STK17B: variants seen among roughly 807,000 people sequenced by gnomAD.
The protein encoded by STK17B is serine/threonine-protein kinase 17B.
Under a neutral mutation model 42.0 loss-of-function variants are expected in STK17B, and 21 were observed. The ratio of observed to expected loss-of-function variants is 0.50; its 90% CI spans 0.35 to 0.72. The LOEUF (loss-of-function observed/expected upper bound fraction) is 0.72. STK17B is among the 30% of genes least tolerant of loss of function. The pLI is 0.00. For missense variants in STK17B, 349 were observed against 446.0 expected, an observed-to-expected ratio of 0.78 and a Z score of 1.96; for synonymous variants, 143 against 148.4, an observed-to-expected ratio of 0.96 and a Z score of 0.26.
intron 1 of STK17B, chr2:196,165,596 T>C (rs1699866477): frequency 6.6e-6 from 1 of 152,214 alleles, no homozygotes; most frequent in Non-Finnish European, 1.5e-5. Flanking sequence ...ATTCAGACTT[T>C]TAAGTTTGGC....
At chr2:196,172,588 A>G (rs1046179429), upstream of STK17B, among the ~76,000 whole-genome samples, 5 of 152,218 alleles carry the variant, frequency 3.3e-5, no homozygotes, top group African/African-American at 1.2e-4. Flanking sequence ...AAGCCAAGCA[A>G]ATTCCTGTGA....
intron 2 of STK17B, among the ~76,000 whole-genome samples, chr2:196,161,796 G>C (rs904304675): frequency 2.0e-5 from 3 of 151,872 alleles, no homozygotes; most frequent in Non-Finnish European, 4.4e-5. Flanking sequence ...GATTACAGGC[G>C]TGAGTCACCA....
rs192791962 is a variant in STK17B at position 196,156,663 on chromosome 2, T to C, written c.123-12A>G. ...CAGCAAATTTTCCTCTGGGGGAAGA[T>C]GAGAACAATCAATTTTAATTTTTCT... On this transcript the variant is annotated splice_polypyrimidine_tract_variant and intron_variant, in intron 2 of 7. Transcript: ENST00000263955. The C allele has an allele frequency of 2.1e-4, 339 of 1,595,896 alleles. No individual in the cohort carries two copies. In the African/African-American group the frequency reaches 2.6e-3, roughly 12 times the overall value.
At chr2:196,150,736 C>G (rs1005396612) in intron 3 of STK17B, among the ~76,000 whole-genome samples, 1 of 152,060 alleles carries the variant, frequency 6.6e-6, no homozygotes, top group African/African-American at 2.4e-5. Context: ...GTGATCAAAA[C>G]GAACTTGTTT....
intron 6 of STK17B, 109 bp downstream of exon 6, chr2:196,141,140 A>C: frequency 1.3e-6 from 1 of 766,672 alleles, no homozygotes; most frequent in Non-Finnish European, 2.1e-6. Context: ...TTCAAATAAA[A>C]TCTTTTGAAG....
chr2:196,150,921 C>T (rs934791769), intron 3 of STK17B, among the ~76,000 whole-genome samples: 10 of 152,170 alleles, frequency 6.6e-5, no homozygotes, highest in Admixed American at 5.2e-4. Flanking sequence ...ATACAGATAA[C>T]GTGCCTATCA....
At chr2:196,138,205 T>G (rs1171891938) in intron 7 of STK17B, among the ~76,000 whole-genome samples, 1 of 152,226 alleles carries the variant, frequency 6.6e-6, no homozygotes, top group African/African-American at 2.4e-5. Context: ...TACATATATG[T>G]GCATATACAT....
upstream of STK17B, chr2:196,171,600 G>A (rs1009885420): frequency 6.6e-6 from 1 of 152,284 alleles, no homozygotes; most frequent in East Asian, 1.9e-4. Context: ...CCGCGTCTGG[G>A]GCATCGCCGT....
upstream of STK17B, among the ~76,000 whole-genome samples, chr2:196,173,722 G>C (rs768066492): frequency 2.4e-4 from 36 of 152,278 alleles, no homozygotes; most frequent in South Asian, 1.7e-3. Context: ...TGGTCATTCT[G>C]TGGTCATTGC....
At chr2:196,159,755 A>C (rs1172571793) in intron 2 of STK17B, among the ~76,000 whole-genome samples, 1 of 152,220 alleles carries the variant, frequency 6.6e-6, no homozygotes, top group Non-Finnish European at 1.5e-5. Flanking sequence ...TGTCCTAATT[A>C]TTATGGTAAT....
intron 3 of STK17B, among the ~76,000 whole-genome samples, chr2:196,150,302 C>T (rs867056144): frequency 6.6e-5 from 10 of 151,862 alleles, no homozygotes; most frequent in Middle Eastern, 3.2e-3. Flanking sequence ...CTCTTTCTCT[C>T]TAAAAAGAGT....
chr2:196,135,001 G>A lies in STK17B; in HGVS notation c.*2446C>T, dbSNP rs1457700700. Reference sequence around the variant, plus strand: ...AAGAGTGGATTTTTATATTCTTTGTGCAATCACTAGTTGCTTTTTTACTAT... The same window carrying A: ...AAGAGTGGATTTTTATATTCTTTGTACAATCACTAGTTGCTTTTTTACTAT... On this transcript the variant is annotated 3_prime_UTR_variant, in exon 8 of 8. Coordinates refer to ENST00000263955, the MANE Select transcript of STK17B (RefSeq NM_004226.4). The A allele has an allele frequency of 6.6e-6, 1 of 152,030 alleles. No homozygotes were observed. The highest frequency in any genetic ancestry group is 1.5e-5 in the Non-Finnish European group (1 of 67,994). The allele number at this position is 152,030 out of a possible 1,614,324, so 9.4% of individuals were successfully genotyped here.
rs1699372098 is a variant in STK17B at position 196,134,733 on chromosome 2, C to CA, written c.*2713dup. ...ATCCCATCTATTTAGGGATCCTACC[C>CA]AAAAAGCAAATTTAACTTTAAATTA... On this transcript the variant is annotated 3_prime_UTR_variant, in exon 8 of 8. Coordinates refer to ENST00000263955, the MANE Select transcript of STK17B (RefSeq NM_004226.4). 6.6e-6 allele frequency: 1 copy of CA among 152,124 alleles called. No individual in the cohort carries two copies. The highest frequency in any genetic ancestry group is 2.1e-4 in the South Asian group (1 of 4,832). The allele number at this position is 152,124 out of a possible 1,614,324, so 9.4% of individuals were successfully genotyped here. A position where few individuals can be genotyped will look rare whatever the true frequency, so the allele number is the denominator to read the frequency against.
intron 6 of STK17B, 83 bp downstream of exon 6, chr2:196,141,157 TTATTATTTA>T (rs1371076747): frequency 2.3e-6 from 2 of 868,110 alleles, no homozygotes; most frequent in Non-Finnish European, 1.8e-6. Context: ...GAAGAAAGCC[TTATTATTTA>T]TTACTCTTGG....
intron 7 of STK17B, among the ~76,000 whole-genome samples, chr2:196,137,999 C>CGGA (rs1699432629): frequency 1.3e-5 from 2 of 152,132 alleles, no homozygotes; most frequent in Admixed American, 1.3e-4. Flanking sequence ...TATTATTACC[C>CGGA]TCATTTAACA....
At chr2:196,162,624 G>T (rs1446019390) in intron 2 of STK17B, among the ~76,000 whole-genome samples, 1 of 152,008 alleles carries the variant, frequency 6.6e-6, no homozygotes, top group Non-Finnish European at 1.5e-5. Context: ...TAGGCAGGGC[G>T]CAGGGGCTCA....
chr2:196,174,686 G>T (rs546515197), upstream of STK17B, among the ~76,000 whole-genome samples: 16 of 152,332 alleles, frequency 1.1e-4, no homozygotes, highest in African/African-American at 3.8e-4. Context: ...CCCCTCTCTG[G>T]AGGTAGGAAT....
At chr2:196,144,911 G>C (rs149825093) in intron 4 of STK17B, among the ~76,000 whole-genome samples, 2 of 152,108 alleles carry the variant, frequency 1.3e-5, no homozygotes, top group African/African-American at 2.4e-5. Context: ...AAAAGGTAAA[G>C]GTAATTAGCT....
upstream of STK17B, chr2:196,174,497 T>G (rs933410568): frequency 2.0e-5 from 3 of 152,292 alleles, no homozygotes; most frequent in Non-Finnish European, 2.9e-5. Context: ...TCTGAAGAAT[T>G]CATGTGGAAA....
Sources: gnomAD v4.1 joint callset for allele counts (sites outside exome capture counted in the v4.1 genomes callset) on GRCh38, gnomAD v4.1.1 for gene constraint, MANE v1.5 for transcripts, NCBI Gene and HGNC (gene_info 2026-07-23, HGNC 2026-07-21) for gene names.